ZFAND4: variants seen among roughly 807,000 people sequenced by gnomAD.
ZFAND4 encodes the protein AN1-type zinc finger protein 4.
ZFAND4 carries 43 observed loss-of-function variants against 64.4 expected under a neutral mutation model. The observed-to-expected ratio is 0.67, with a 90% confidence interval of 0.52 to 0.86. The LOEUF (loss-of-function observed/expected upper bound fraction) is 0.86. ZFAND4 is among the 40% of genes least tolerant of loss of function. The pLI, the probability that ZFAND4 is intolerant of heterozygous loss-of-function variation, is 0.00. For synonymous variants in ZFAND4, 296 were observed against 305.7 expected (o/e 0.97, Z 0.33); for missense variants, 929 against 859.8 (o/e 1.08, Z -1.01).
intron 6 of ZFAND4, 23 bp downstream of exon 6, chr10:45,639,793 T>C: frequency 1.3e-6 from 2 of 1,596,784 alleles, no homozygotes; most frequent in Non-Finnish European, 1.7e-6. Context: ...GAGATAAGCC[T>C]GGTCAAATGC....
rs568806519 is a variant in ZFAND4 at position 45,663,860 on chromosome 10, T to A, written c.-117-18A>T. On this transcript the variant is annotated intron_variant, in intron 1 of 9. Coordinates refer to ENST00000344646, the MANE Select transcript of ZFAND4 (RefSeq NM_174890.4). ...TTTTGTACCTAAAAAAACAAGAATT[T>A]TTTTAACAAGCCTATCTGAAAGTTG... 271 of 670,128 alleles carry A rather than the reference T, an allele frequency of 4.0e-4. 2 individuals carry two copies. In the African/African-American group the frequency reaches 4.4e-3, roughly 11 times the overall value. The allele number at this position is 670,128 out of a possible 1,614,324, so 41.5% of individuals were successfully genotyped here.
chr10:45,641,525 A>T (rs1305010072), intron 5 of ZFAND4, among the ~76,000 whole-genome samples: 1 of 152,194 alleles, frequency 6.6e-6, no homozygotes, highest in Middle Eastern at 3.2e-3. Context: ...GTGCAACATG[A>T]AATGTTCTGA....
In ZFAND4 at chr10:45,648,396, G is replaced by A. The variant is rs2047537199; in HGVS notation, c.467C>T (p.Ala156Val). Reference protein sequence around the residue: ...QEGDQLNFFPAVDRGDGTLTP... With the variant: ...QEGDQLNFFPVVDRGDGTLTP... Reference sequence around the variant, plus strand: ...TAAAGTGCCATCTCCCCTATCTACTGCAGGAAAGAAATTCAATTGATCTCC... The same window carrying A: ...TAAAGTGCCATCTCCCCTATCTACTACAGGAAAGAAATTCAATTGATCTCC... The change falls in exon 5 of 10, where the codon GCA (alanine) becomes GTA (valine). Residue 156 changes from alanine to valine, a missense_variant. By Grantham distance (64) the Ala-to-Val change is moderately conservative. Transcript: ENST00000344646. The A allele has an allele frequency of 1.2e-6, 2 of 1,613,828 alleles. No homozygotes were observed. The highest frequency in any genetic ancestry group is 1.3e-5 in the African/African-American group (1 of 74,888).
intron 2 of ZFAND4, among the ~76,000 whole-genome samples, chr10:45,656,832 T>C (rs2048154486): frequency 6.6e-6 from 1 of 152,032 alleles, no homozygotes; most frequent in South Asian, 2.1e-4. Context: ...GATCTCCCTC[T>C]CTTTATCTAC....
At position 45,660,373 on chromosome 10, in the gene ZFAND4, C is replaced by T. The variant is rs778540865; in HGVS notation, c.184+3169G>A. The stretch of plus-strand genomic sequence containing the variant: ...AGAAAAGAAAATAAACTTGGCAAAA[C>T]GGACTGTTAAGAGAAAAAAGAATGC... On this transcript the variant is annotated intron_variant, in intron 2 of 9. Coordinates refer to ENST00000344646, the MANE Select transcript of ZFAND4 (RefSeq NM_174890.4). Among the ~76,000 whole-genome samples, 53 of 151,862 alleles carry T rather than the reference C, an allele frequency of 3.5e-4. No homozygotes were observed. In the Middle Eastern group the frequency reaches 0.014, roughly 39 times the overall value.
chr10:45,624,745 A>G lies in ZFAND4; in HGVS notation c.1873-108T>C, dbSNP rs1447990759. 4 of 863,826 alleles carry G rather than the reference A, an allele frequency of 4.6e-6. No individual in the cohort carries two copies. In the African/African-American group the frequency reaches 5.2e-5, roughly 11 times the overall value. The allele number at this position is 863,826 out of a possible 1,614,324, so 53.5% of individuals were successfully genotyped here. On this transcript the variant is annotated intron_variant, in intron 7 of 9. Transcript: ENST00000344646. Reference sequence around the variant, plus strand: ...ATCACTAAGATGCTGTTGGACTTTCATTTTAAATTATTTATTCCAATTTTT... The same window carrying G: ...ATCACTAAGATGCTGTTGGACTTTCGTTTTAAATTATTTATTCCAATTTTT...
intron 4 of ZFAND4, chr10:45,650,226 C>T (rs1347638757): frequency 6.6e-6 from 1 of 152,170 alleles, no homozygotes; most frequent in Non-Finnish European, 1.5e-5. Flanking sequence ...GCGCAGTCTC[C>T]ACTCACTGTA....
At chr10:45,655,093 T>C (rs1369172215) in intron 2 of ZFAND4, among the ~76,000 whole-genome samples, 5 of 152,144 alleles carry the variant, frequency 3.3e-5, no homozygotes, top group Admixed American at 3.3e-4. Context: ...AGATAGATCA[T>C]ATGAGAAGCC....
intron 6 of ZFAND4, among the ~76,000 whole-genome samples, 165 bp from the exon 7 acceptor site, chr10:45,627,270 AT>A (rs1554830298): frequency 2.6e-5 from 4 of 152,208 alleles, no homozygotes; most frequent in Non-Finnish European, 5.9e-5. Context: ...GACAGAGAAG[AT>A]GCTATTTTCC....
intron 2 of ZFAND4, among the ~76,000 whole-genome samples, chr10:45,656,501 C>CAAAAAAAAAAAAAAAAAAAAAAA (rs541781976): frequency 8.1e-5 from 2 of 24,712 alleles, no homozygotes; most frequent in African/African-American, 2.0e-4. Context: ...GAACCTGTCT[C>CAAAAAAAAAAAAAAAAAAAAAAA]AAAAAAAAAA....
Position 45,636,631 on chromosome 10 carries a change from T to A in ZFAND4, c.717+3185A>T, listed in dbSNP as rs2133668101. On this transcript the variant is annotated intron_variant, in intron 6 of 9. Coordinates refer to ENST00000344646, the MANE Select transcript of ZFAND4 (RefSeq NM_174890.4). ...CAGTTTGAGGGACAGAGCAAGATTC[T>A]GTCTCAAAAAAAAAAAAAGAAAATT... 3.3e-5 allele frequency among the ~76,000 whole-genome samples: 5 copies of A among 151,400 alleles called. 1 individual carries two copies. Among genetic ancestry groups the A allele is most frequent in the African/African-American group, 1.2e-4 (5 of 41,116 alleles).
At chr10:45,668,069 A>G (rs916161992) in intron 1 of ZFAND4, among the ~76,000 whole-genome samples, 5 of 152,162 alleles carry the variant, frequency 3.3e-5, no homozygotes, top group African/African-American at 1.2e-4. Flanking sequence ...TTATTCACAT[A>G]TTACATTACT....
At chr10:45,671,186 G>T (rs1317353258) in intron 1 of ZFAND4, among the ~76,000 whole-genome samples, 2 of 152,216 alleles carry the variant, frequency 1.3e-5, no homozygotes, top group Admixed American at 1.3e-4. Flanking sequence ...AACAACAGAT[G>T]CTGGAGAGGA....
At position 45,648,524 on chromosome 10, in the gene ZFAND4, G is replaced by A. The variant is rs150077818; in HGVS notation, c.339C>T (p.Asp113=). Residue 113 remains aspartate (D), a synonymous_variant, in exon 5 of 10, where the codon GAC becomes GAT. Coordinates refer to ENST00000344646, the MANE Select transcript of ZFAND4 (RefSeq NM_174890.4). ...GPINTRRVPT[D]DPLRKMAEYL... ...ACTCTGCCATCTTCCTAAGTGGATC[G>A]TCTGTAGGAACTACAAATGGAAAAT... 1,105 of 1,598,680 alleles carry A rather than the reference G, an allele frequency of 6.9e-4. 7 individuals carry two copies. In the African/African-American group the frequency reaches 0.013, roughly 19 times the overall value.
intron 6 of ZFAND4, among the ~76,000 whole-genome samples, chr10:45,638,721 G>A (rs1476000036): frequency 6.6e-6 from 1 of 152,104 alleles, no homozygotes; most frequent in Non-Finnish European, 1.5e-5. Context: ...AAAAGGAAAA[G>A]AAAGAAGCAA....
rs768995104 is a variant in ZFAND4 at position 45,639,947 on chromosome 10, T to A, written c.586A>T (p.Asn196Tyr). Residue 196 changes from asparagine (N) to tyrosine (Y), a missense_variant, in exon 6 of 10, where the codon AAT (asparagine) becomes TAT (tyrosine). Asn to Tyr is a moderately radical substitution (Grantham distance 143). Transcript: ENST00000344646. ...TCTTCATCCTCATCTGTATCTGAAT[T>A]ATACATAGAACCACCACTGCAAAGA... ...EHRMSGGSMYNSDTDEDEETE... is the reference protein window; with the variant it reads ...EHRMSGGSMYYSDTDEDEETE... 1.2e-6 allele frequency: 2 copies of A among 1,610,222 alleles called. No individual in the cohort carries two copies.
intron 6 of ZFAND4, among the ~76,000 whole-genome samples, chr10:45,631,528 C>T (rs1480987913): frequency 1.3e-5 from 2 of 151,720 alleles, no homozygotes; most frequent in Non-Finnish European, 2.9e-5. Context: ...AAAAAAAAAT[C>T]CTCATTTTCT....
chr10:45,648,122 T>A (rs1264008667), intron 5 of ZFAND4, among the ~76,000 whole-genome samples, 172 bp downstream of exon 5: 1 of 152,188 alleles, frequency 6.6e-6, no homozygotes, highest in Non-Finnish European at 1.5e-5. Flanking sequence ...GAAACAAATC[T>A]TTTTATGAAA....
At chr10:45,628,896 CAAA>C (rs74412113) in intron 6 of ZFAND4, among the ~76,000 whole-genome samples, 17 of 45,442 alleles carry the variant, frequency 3.7e-4, no homozygotes, top group Non-Finnish European at 7.3e-4. Context: ...GGAGCTTCAC[CAAA>C]AAAAAAAAAA....
Sources: allele counts gnomAD v4.1 joint callset (sites outside exome capture counted in the v4.1 genomes callset), GRCh38; gene constraint gnomAD v4.1.1; transcripts MANE v1.5; gene names NCBI Gene and HGNC (gene_info 2026-07-23, HGNC 2026-07-21).